NPFFR2: variants seen among roughly 807,000 people sequenced by gnomAD.
NPFFR2 encodes G-protein coupled receptor 74.
In NPFFR2, 15 loss-of-function variants were observed where a neutral mutation model predicts 13.1. That is an observed-to-expected ratio of 1.15 (90% CI 0.77 to 1.76). The LOEUF (loss-of-function observed/expected upper bound fraction) is 1.76. Ranked by LOEUF, NPFFR2 falls within the 40% of genes most tolerant of loss-of-function variation. The pLI, the probability that NPFFR2 is intolerant of heterozygous loss-of-function variation, is 0.00. For synonymous variants in NPFFR2, 190 were observed against 175.7 expected, an observed-to-expected ratio of 1.08 and a Z score of -0.65; for missense variants, 572 against 503.5, an observed-to-expected ratio of 1.14 and a Z score of -1.30.
intron 1 of NPFFR2, among the ~76,000 whole-genome samples, chr4:72,061,379 G>A (rs1719913760): frequency 6.6e-6 from 1 of 152,158 alleles, no homozygotes; most frequent in Non-Finnish European, 1.5e-5. Flanking sequence ...GAAAAGCTGA[G>A]ACTGTGCTAA....
intron 1 of NPFFR2, among the ~76,000 whole-genome samples, chr4:72,084,447 G>C (rs1720712094): frequency 6.6e-6 from 1 of 152,178 alleles, no homozygotes; most frequent in Non-Finnish European, 1.5e-5. Flanking sequence ...CTTAGAAGTT[G>C]AGACTTTCCT....
intron 1 of NPFFR2, among the ~76,000 whole-genome samples, chr4:72,093,781 G>A (rs1560409178): frequency 3.4e-5 from 5 of 146,528 alleles, no homozygotes. Context: ...CCTTTCTTTG[G>A]TGCCTCTTGG....
intron 1 of NPFFR2, among the ~76,000 whole-genome samples, chr4:72,114,793 A>G (rs1396838557): frequency 1.3e-5 from 2 of 152,108 alleles, no homozygotes; most frequent in Non-Finnish European, 2.9e-5. Context: ...CTTCCTATTG[A>G]TTGTAATGGC....
At chr4:72,032,897 T>G (rs1036776170) in intron 1 of NPFFR2, among the ~76,000 whole-genome samples, 1 of 152,212 alleles carries the variant, frequency 6.6e-6, no homozygotes, top group East Asian at 1.9e-4. Context: ...CAAAAATACA[T>G]TTGTTCATCT....
At chr4:72,082,177 A>G (rs1296386031) in intron 1 of NPFFR2, among the ~76,000 whole-genome samples, 1 of 152,192 alleles carries the variant, frequency 6.6e-6, no homozygotes, top group Non-Finnish European at 1.5e-5. Context: ...TTCAAAAAGG[A>G]TGCATGTCTC....
intron 1 of NPFFR2, among the ~76,000 whole-genome samples, chr4:72,080,082 T>C (rs947162633): frequency 2.0e-5 from 3 of 152,144 alleles, no homozygotes; most frequent in African/African-American, 7.2e-5. Context: ...TTTCACAACA[T>C]AGAGATGTCT....
At chr4:72,057,745 T>C (rs1178492968) in intron 1 of NPFFR2, among the ~76,000 whole-genome samples, 1 of 151,954 alleles carries the variant, frequency 6.6e-6, no homozygotes, top group Non-Finnish European at 1.5e-5. Context: ...TCTCCCACAA[T>C]ATACTTATTA....
chr4:72,079,316 TA>T lies in NPFFR2; in HGVS notation c.-8+47117del, dbSNP rs199572460. Among the ~76,000 whole-genome samples the T allele has an allele frequency of 5.1e-3, 771 of 152,268 alleles. 3 individuals carry two copies. Among genetic ancestry groups the T allele is most frequent in the African/African-American group, 0.018 (737 of 41,564 alleles). ...TTTGATCTTCGTCTTCTATTTTTTT[TA>T]GTTCCTATTGAAAAAAACATTGTAA... is the stretch of plus-strand genomic sequence containing the variant. On this transcript the variant is annotated intron_variant, in intron 1 of 3. Coordinates refer to ENST00000308744, the MANE Select transcript of NPFFR2 (RefSeq NM_004885.3).
At chr4:72,095,191 A>G (rs952147442) in intron 1 of NPFFR2, among the ~76,000 whole-genome samples, 3 of 152,214 alleles carry the variant, frequency 2.0e-5, no homozygotes, top group Non-Finnish European at 2.9e-5. Flanking sequence ...CCCAATCCTC[A>G]GAAATAAACA....
intron 1 of NPFFR2, among the ~76,000 whole-genome samples, chr4:72,059,238 G>A (rs577993088): frequency 2.1e-4 from 32 of 152,104 alleles, no homozygotes; most frequent in Middle Eastern, 3.4e-3. Flanking sequence ...TGACAAGATG[G>A]GCAAGGTCTG....
In NPFFR2 at chr4:72,138,039, G is replaced by A. The variant is rs138772964; in HGVS notation, c.329-1G>A. ...GAAAGACTGTTTCATTTTCCTTTCA[G>A]GATGGCCATTTGGAAACACGATGTG... On this transcript the variant is annotated splice_acceptor_variant, in intron 2 of 3. Coordinates refer to ENST00000308744, the MANE Select transcript of NPFFR2 (RefSeq NM_004885.3). LOFTEE classifies it high-confidence loss of function. 6.2e-4 allele frequency: 990 copies of A among 1,607,550 alleles called. 20 individuals are homozygous for A. In the Middle Eastern group the frequency reaches 0.037, roughly 60 times the overall value.
chr4:72,040,345 A>T (rs1461610980), intron 1 of NPFFR2, among the ~76,000 whole-genome samples: 3 of 152,136 alleles, frequency 2.0e-5, no homozygotes, highest in Admixed American at 1.3e-4. Flanking sequence ...ATAAATAGTG[A>T]GCCAACTTTC....
At chr4:72,142,842 T>C (rs1029118565) in intron 3 of NPFFR2, among the ~76,000 whole-genome samples, 1 of 152,216 alleles carries the variant, frequency 6.6e-6, no homozygotes, top group East Asian at 1.9e-4. Context: ...GATACTGGGC[T>C]GGGTTGGTAA....
chr4:72,086,540 A>C (rs1720776758), intron 1 of NPFFR2, among the ~76,000 whole-genome samples: 1 of 152,132 alleles, frequency 6.6e-6, no homozygotes. Flanking sequence ...TTAGTTATTA[A>C]ATATGTAATT....
intron 1 of NPFFR2, among the ~76,000 whole-genome samples, chr4:72,117,780 A>G (rs1323981914): frequency 6.6e-6 from 1 of 152,232 alleles, no homozygotes; most frequent in Non-Finnish European, 1.5e-5. Flanking sequence ...TCAGGAATCC[A>G]ATAATGAAAG....
intron 1 of NPFFR2, among the ~76,000 whole-genome samples, chr4:72,068,416 T>A (rs9884758): frequency 6.6e-6 from 1 of 152,124 alleles, no homozygotes; most frequent in Non-Finnish European, 1.5e-5. Context: ...TCCCATTTAT[T>A]AGAAAAGAGC....
intron 1 of NPFFR2, among the ~76,000 whole-genome samples, chr4:72,033,227 GGATGA>G (rs1291823720): frequency 6.6e-6 from 1 of 152,080 alleles, no homozygotes; most frequent in Non-Finnish European, 1.5e-5. Flanking sequence ...TCTAAGTTAT[GGATGA>G]ATTTGCAAAA....
At chr4:72,090,940 T>A (rs1387656922) in intron 1 of NPFFR2, among the ~76,000 whole-genome samples, 5 of 152,154 alleles carry the variant, frequency 3.3e-5, no homozygotes, top group Admixed American at 3.3e-4. Flanking sequence ...CCATTCAGCA[T>A]AATGTTGGCT....
Position 72,102,960 on chromosome 4 carries a change from A to G in NPFFR2, c.-7-25625A>G, listed in dbSNP as rs551514082. ...AGGAATCGCCACACTGAGTTCCACA[A>G]TGGTTGAACTAGTTTACAGTCCCAC... On this transcript the variant is annotated intron_variant, in intron 1 of 3. Transcript: ENST00000308744. Among the ~76,000 whole-genome samples the G allele has an allele frequency of 2.0e-5, 3 of 152,212 alleles. No individual in the cohort carries two copies. The South Asian group carries it at 6.2e-4, about 32-fold the overall frequency.
Sources: gnomAD v4.1 joint callset for allele counts (sites outside exome capture counted in the v4.1 genomes callset) on GRCh38, gnomAD v4.1.1 for gene constraint, MANE v1.5 for transcripts, NCBI Gene and HGNC (gene_info 2026-07-23, HGNC 2026-07-21) for gene names.